The following PARP16 variants were observed in gnomAD, a reference collection of about 807,000 sequenced individuals.
PARP16 encodes protein mono-ADP-ribosyltransferase PARP16.
Under a neutral mutation model 35.0 loss-of-function variants are expected in PARP16, and 31 were observed. The ratio of observed to expected loss-of-function variants is 0.88; its 90% confidence interval spans 0.66 to 1.19. The LOEUF (loss-of-function observed/expected upper bound fraction) is 1.19, where lower values mean the gene tolerates loss of function less well. Ranked by LOEUF, PARP16 falls within the 50% of genes most tolerant of loss-of-function variation. PARP16 has a pLI of 0.00. For synonymous variants in PARP16, 162 were observed against 169.5 expected, an observed-to-expected ratio of 0.96 and a Z score of 0.34; for missense variants, 424 against 411.2, an observed-to-expected ratio of 1.03 and a Z score of -0.27.
intron 1 of PARP16, among the ~76,000 whole-genome samples, chr15:65,283,610 G>T (rs2090485302): frequency 6.6e-6 from 1 of 152,070 alleles, no homozygotes; most frequent in African/African-American, 2.4e-5. Flanking sequence ...TTCTGCCTTG[G>T]GACTTGGCAA....
rs1233896826 is a variant in PARP16 at position 65,273,276 on chromosome 15, C to CAAAAAAAAAAAAAAAA, written c.175-2220_175-2205dup. Among the ~76,000 whole-genome samples the CAAAAAAAAAAAAAAAA allele has an allele frequency of 1.3e-3, 72 of 57,464 alleles. 4 individuals are homozygous for CAAAAAAAAAAAAAAAA. The highest frequency in any genetic ancestry group is 3.9e-3 in the South Asian group (4 of 1,016). The allele number at this position is 57,464 out of a possible 152,430, so 37.7% of individuals were successfully genotyped here. On this transcript the variant is annotated intron_variant, in intron 1 of 5. Coordinates refer to ENST00000649807, the MANE Select transcript of PARP16 (RefSeq NM_001316943.2). ...CTGGTGACAGAGAGAGACTCTGTCT[C>CAAAAAAAAAAAAAAAA]AAAAAAAAAAAAAAAAAAGAATACC...
downstream of PARP16, among the ~76,000 whole-genome samples, chr15:65,255,740 T>A (rs1596002604): frequency 2.0e-4 from 9 of 44,800 alleles, no homozygotes; most frequent in African/African-American, 3.5e-4. Flanking sequence ...AGCAGAAAAC[T>A]CAGAAAAAAA....
chr15:65,236,169 GT>G (rs1028079626), intron 3 of PARP16, among the ~76,000 whole-genome samples: 37 of 152,102 alleles, frequency 2.4e-4, no homozygotes, highest in African/African-American at 7.5e-4. Flanking sequence ...CTGCAGACAT[GT>G]TTTAAACCCA....
At chr15:65,255,966 T>C (rs766031068), downstream of PARP16, among the ~76,000 whole-genome samples, 11 of 152,164 alleles carry the variant, frequency 7.2e-5, no homozygotes, top group Non-Finnish European at 1.2e-4. Context: ...AGTCTGACTT[T>C]GTCCACATCT....
At chr15:65,256,524 G>C (rs565373487), downstream of PARP16, among the ~76,000 whole-genome samples, 3 of 149,298 alleles carry the variant, frequency 2.0e-5, no homozygotes, top group South Asian at 2.1e-4. Context: ...TCTCCTGCCT[G>C]AGCCTCCCGA....
rs562887346 is a variant in PARP16, at chr15:65,276,781, G to A, written c.175-5709C>T. Among the ~76,000 whole-genome samples, 18 of 152,138 alleles carry A rather than the reference G, an allele frequency of 1.2e-4. No individual in the cohort carries two copies. The South Asian group carries it at 3.7e-3, about 32-fold the overall frequency. Reference sequence around the variant, plus strand: ...GGATCACCTAAGGTTAGGACTTTGAGACCAGCCTGGTCAACATGGTGAAAC... The same window carrying A: ...GGATCACCTAAGGTTAGGACTTTGAAACCAGCCTGGTCAACATGGTGAAAC... On this transcript the variant is annotated intron_variant, in intron 1 of 5. Coordinates refer to ENST00000649807, the MANE Select transcript of PARP16 (RefSeq NM_001316943.2).
At chr15:65,242,528 T>A (rs2140739774) in intron 3 of PARP16, among the ~76,000 whole-genome samples, 1 of 152,336 alleles carries the variant, frequency 6.6e-6, no homozygotes, top group African/African-American at 2.4e-5. Context: ...CTTATTTATA[T>A]CTTCTTTAAT....
intron 4 of PARP16, among the ~76,000 whole-genome samples, chr15:65,261,337 C>G (rs1181058293): frequency 6.6e-6 from 1 of 150,552 alleles, no homozygotes; most frequent in Admixed American, 6.6e-5. Context: ...GGACTGGAAG[C>G]TAGGAACAGG....
downstream of PARP16, among the ~76,000 whole-genome samples, chr15:65,256,658 C>T (rs768372200): frequency 1.3e-5 from 2 of 152,066 alleles, no homozygotes; most frequent in Non-Finnish European, 2.9e-5. Context: ...CCTCCCGTCT[C>T]GGCCTCCCAA....
chr15:65,260,892 G>C lies in PARP16; in HGVS notation c.826C>G (p.Pro276Ala), dbSNP rs369368475. 1.2e-6 allele frequency: 2 copies of C among 1,613,690 alleles called. No individual in the cohort carries two copies. The highest frequency in any genetic ancestry group is 1.7e-6 in the Non-Finnish European group (2 of 1,179,842). Residue 276 changes from proline (P) to alanine (A), a missense_variant, in exon 5 of 6, where the codon CCC becomes GCC. Pro to Ala is a conservative substitution (Grantham distance 27, BLOSUM62 -1). Coordinates refer to ENST00000649807, the MANE Select transcript of PARP16 (RefSeq NM_001316943.2). ...KYLLVYSQKP[P>A]KRASSQLSWF... The stretch of plus-strand genomic sequence containing the variant: ...TGTTCTCTTGGACCTTACCTCTTGG[G>C]TGGCTTCTGTGAATACACCAGGAGG...
intron 3 of PARP16, among the ~76,000 whole-genome samples, chr15:65,244,153 T>C (rs1005694460): frequency 6.6e-6 from 1 of 152,202 alleles, no homozygotes. Context: ...TCTCAGATAA[T>C]GTGTCAGGAA....
rs996568548 is a variant in PARP16, at chr15:65,270,924, C to A, written c.312+11G>T. On this transcript the variant is annotated intron_variant, in intron 2 of 5. Coordinates refer to ENST00000649807, the MANE Select transcript of PARP16 (RefSeq NM_001316943.2). Reference sequence around the variant, plus strand: ...CCCTAAAATCTGTGATGCTACGGACCAAAGTCTCACCTCTGCCTTCCCTGC... The same window carrying A: ...CCCTAAAATCTGTGATGCTACGGACAAAAGTCTCACCTCTGCCTTCCCTGC... The A allele has an allele frequency of 6.2e-7, 1 of 1,613,760 alleles. No homozygotes were observed. Among genetic ancestry groups the A allele is most frequent in the South Asian group, 1.1e-5 (1 of 91,062 alleles).
chr15:65,284,124 C>T (rs1255249858), intron 1 of PARP16, among the ~76,000 whole-genome samples: 1 of 152,216 alleles, frequency 6.6e-6, no homozygotes, highest in Admixed American at 6.5e-5. Flanking sequence ...ACGCTAAACA[C>T]GTGTTGATTC....
rs2090611497 is a variant in PARP16, at chr15:65,286,714, G to A, written c.-288C>T. The stretch of plus-strand genomic sequence containing the variant: ...GATAAAGGAACTGGGGCTGGTGGGG[G>A]GGAGGGGTTCCCGGCCTAGGGGAAG... On this transcript the variant is annotated 5_prime_UTR_variant, in exon 1 of 6. Transcript: ENST00000649807. 1 of 373,408 alleles carries A rather than the reference G, an allele frequency of 2.7e-6. No individual in the cohort carries two copies. Among genetic ancestry groups the A allele is most frequent in the Non-Finnish European group, 4.8e-6 (1 of 207,634 alleles). 23.1% of individuals were successfully genotyped at this position (373,408 alleles called of 1,614,324 possible). A position where few individuals can be genotyped will look rare whatever the true frequency, so the allele number is the denominator to read the frequency against.
chr15:65,263,428 A>G, intron 3 of PARP16, 108 bp from the exon 4 acceptor site: 1 of 866,126 alleles, frequency 1.2e-6, no homozygotes, highest in Non-Finnish European at 1.7e-6. Flanking sequence ...AAAATGTACA[A>G]CCCCCGCTTT....
intron 1 of PARP16, among the ~76,000 whole-genome samples, chr15:65,279,701 AATTGTTATC>A (rs2090360468): frequency 6.6e-6 from 1 of 152,204 alleles, no homozygotes; most frequent in African/African-American, 2.4e-5. Context: ...TAACAAATCT[AATTGTTATC>A]ATTTCCTCAC....
Position 65,271,211 on chromosome 15 carries a change from T to C in PARP16, c.175-139A>G, listed in dbSNP as rs575449759. 9.5e-6 allele frequency: 7 copies of C among 738,150 alleles called. No homozygotes were observed. In the East Asian group the frequency reaches 1.5e-4, roughly 16 times the overall value. 45.7% of individuals were successfully genotyped at this position (738,150 alleles called of 1,614,324 possible). A position where few individuals can be genotyped will look rare whatever the true frequency, so the allele number is the denominator to read the frequency against. On this transcript the variant is annotated intron_variant, in intron 1 of 5. Coordinates refer to ENST00000649807, the MANE Select transcript of PARP16 (RefSeq NM_001316943.2). ...TGAGAGGAAATTCACAGGTCTACAA[T>C]CCCCTTTCCAAATAATACTAAACTT... is the stretch of plus-strand genomic sequence containing the variant.
chr15:65,240,733 G>A (rs1396919535), intron 3 of PARP16, among the ~76,000 whole-genome samples: 2 of 152,160 alleles, frequency 1.3e-5, no homozygotes, highest in East Asian at 3.8e-4. Flanking sequence ...GTCTTTGTAT[G>A]AGCTTCTGCT....
chr15:65,285,653 G>T, intron 1 of PARP16: 1 of 182,932 alleles, frequency 5.5e-6, no homozygotes, highest in South Asian at 9.7e-5. Context: ...TTATTGAATC[G>T]ATTTTGGTAA....
Sources: gnomAD v4.1 joint callset for allele counts (sites outside exome capture counted in the v4.1 genomes callset) on GRCh38, gnomAD v4.1.1 for gene constraint, MANE v1.5 for transcripts, NCBI Gene and HGNC (gene_info 2026-07-23, HGNC 2026-07-21) for gene names.